The following VPS13C variants were observed in gnomAD, a reference collection of about 807,000 sequenced individuals.
The protein encoded by VPS13C is intermembrane lipid transfer protein VPS13C.
In VPS13C, 358 loss-of-function variants were observed where a neutral mutation model predicts 456.8. The ratio of observed to expected loss-of-function variants is 0.78; its 90% CI spans 0.72 to 0.86. VPS13C has a LOEUF of 0.86. Among genes scored for constraint, VPS13C ranks in the 40% least tolerant of loss-of-function variants. The pLI is 0.00. For synonymous variants in VPS13C, 1,578 were observed against 1,486.7 expected (o/e 1.06, Z -1.41); for missense variants, 4,818 against 4,385.4 (o/e 1.10, Z -2.79).
At chr15:62,026,223 T>A (rs544152162) in intron 6 of VPS13C, among the ~76,000 whole-genome samples, 1 of 151,628 alleles carries the variant, frequency 6.6e-6, no homozygotes, top group Non-Finnish European at 1.5e-5. Flanking sequence ...TGAAACCCTA[T>A]CAATGAATTT....
At chr15:61,908,945 A>T in intron 65 of VPS13C, 47 bp downstream of exon 65, 1 of 1,591,714 alleles carries the variant, frequency 6.3e-7, no homozygotes, top group Non-Finnish European at 8.6e-7. Context: ...CCCATTAGTT[A>T]CTATGAACCA....
At chr15:61,885,325 C>G (rs976491063) in intron 67 of VPS13C, among the ~76,000 whole-genome samples, 3 of 152,104 alleles carry the variant, frequency 2.0e-5, no homozygotes, top group African/African-American at 7.2e-5. Flanking sequence ...AAACTAATTT[C>G]CAAAGCCACT....
chr15:61,974,359 T>C lies in VPS13C; in HGVS notation c.2467A>G (p.Lys823Glu), dbSNP rs2045642879. 6.2e-7 allele frequency: 1 copy of C among 1,612,676 alleles called. No individual in the cohort carries two copies. Among genetic ancestry groups the C allele is most frequent in the African/African-American group, 1.3e-5 (1 of 74,878 alleles). ...CTGTTCATCAAATATAGCACATCTT[T>C]CATCTTCTGGTCAGAAATTCTCACA... ...MHVRISDQKM[K>E]DVLYLMNSIP... is the part of the protein sequence containing the mutation. The change falls in exon 25 of 85, where the codon AAA (lysine) becomes GAA (glutamate). Residue 823 changes from lysine to glutamate, a missense_variant. Around this residue, in one of 3 missense-constraint regions of VPS13C, gnomAD observed 4,552 missense variants for 4,130.6 expected, o/e 1.10. Transcript: ENST00000644861.
At chr15:62,032,152 G>A (rs995660700) in intron 5 of VPS13C, among the ~76,000 whole-genome samples, 2 of 151,620 alleles carry the variant, frequency 1.3e-5, no homozygotes, top group African/African-American at 2.4e-5. Flanking sequence ...ATCCTAATCT[G>A]AATAGTTTCA....
At chr15:61,904,293 T>G (rs2043090931) in intron 66 of VPS13C, among the ~76,000 whole-genome samples, 1 of 121,192 alleles carries the variant, frequency 8.3e-6, no homozygotes, top group Admixed American at 9.6e-5. Context: ...TGGTGGAGTG[T>G]TTTGAATTCC....
intron 15 of VPS13C, among the ~76,000 whole-genome samples, chr15:62,006,504 T>C (rs556735657): frequency 2.0e-4 from 31 of 152,310 alleles, no homozygotes; most frequent in African/African-American, 6.5e-4. Flanking sequence ...CAGTCTATCG[T>C]TGTTGGACAT....
rs1596531306 is a variant in VPS13C at position 62,046,896 on chromosome 15, G to T, written c.101-2641C>A. Among the ~76,000 whole-genome samples, 3 of 152,098 alleles carry T rather than the reference G, an allele frequency of 2.0e-5. No individual in the cohort carries two copies. In the South Asian group the frequency reaches 6.2e-4, roughly 32 times the overall value. ...ACAGACTGTCAGACAAAAAGAGATT[G>T]TACTTATTATTGCTGGGTGGTAGAA... On this transcript the variant is annotated intron_variant, in intron 1 of 84. Transcript: ENST00000644861.
Position 61,984,005 on chromosome 15 carries a change from C to A in VPS13C, c.1729G>T (p.Ala577Ser). The A allele has an allele frequency of 6.2e-7, 1 of 1,612,746 alleles. No homozygotes were observed. Residue 577 changes from alanine to serine, a missense_variant, in exon 20 of 85, where the codon GCG becomes TCG. Physicochemically the swap from Ala to Ser is moderately conservative, Grantham distance 99 (BLOSUM62 1). This residue lies in a region of VPS13C where 4,552 missense variants were observed against 4,130.6 expected (regional missense o/e 1.10). Coordinates refer to ENST00000644861, the MANE Select transcript of VPS13C (RefSeq NM_020821.3). ...RPGAQALKVE[A>S]KLEHWYITGL... ...GTTATATACCAGTGTTCTAATTTCG[C>A]TTCTACCCTATAATCCAATGAAGAA...
chr15:61,892,795 G>T (rs1218423445), intron 66 of VPS13C, among the ~76,000 whole-genome samples: 1 of 152,082 alleles, frequency 6.6e-6, no homozygotes, highest in Non-Finnish European at 1.5e-5. Flanking sequence ...GAAACAGACT[G>T]AAATAATAAA....
intron 66 of VPS13C, 66 bp from the exon 67 acceptor site, chr15:61,890,466 T>A: frequency 7.3e-7 from 1 of 1,374,144 alleles, no homozygotes; most frequent in Non-Finnish European, 1.0e-6. Context: ...AATTGAACTA[T>A]AATAACAGAA....
rs1343292465 is a variant in VPS13C at position 61,867,166 on chromosome 15, T to C, written c.10863+1493A>G. 1.0e-6 allele frequency: 1 copy of C among 983,966 alleles called. No homozygotes were observed. Among genetic ancestry groups the C allele is most frequent in the East Asian group, 1.1e-4 (1 of 8,826 alleles). 61.0% of individuals were successfully genotyped at this position (983,966 alleles called of 1,614,324 possible). A position where few individuals can be genotyped will look rare whatever the true frequency, so the allele number is the denominator to read the frequency against. ...AGTGCCACACAGCAATTTGCCTAAT[T>C]ACATGTTCAACTTCTATCTACATTA... On this transcript the variant is annotated intron_variant, in intron 81 of 84. Coordinates refer to ENST00000644861, the MANE Select transcript of VPS13C (RefSeq NM_020821.3). This position sits in a 1 kb window ranked among gnomAD's most constrained non-coding sequence, Gnocchi z 5.0.
At chr15:61,891,290 T>G (rs1014872775) in intron 66 of VPS13C, among the ~76,000 whole-genome samples, 1 of 152,112 alleles carries the variant, frequency 6.6e-6, no homozygotes, top group Admixed American at 6.5e-5. Context: ...GTACCTACTA[T>G]GTACTTTCCA....
intron 41 of VPS13C, 46 bp downstream of exon 41, chr15:61,950,312 T>A (rs2044742888): frequency 7.1e-7 from 1 of 1,408,572 alleles, no homozygotes; most frequent in African/African-American, 1.4e-5. Context: ...TGAAGCTAGA[T>A]ATAATCAACA....
intron 1 of VPS13C, among the ~76,000 whole-genome samples, chr15:62,048,514 T>A (rs986476724): frequency 6.6e-6 from 1 of 152,214 alleles, no homozygotes; most frequent in Admixed American, 6.5e-5. Context: ...TGTTGGACAC[T>A]TGGGTTGGTT....
intron 22 of VPS13C, among the ~76,000 whole-genome samples, chr15:61,979,065 C>T (rs1485128137): frequency 6.6e-6 from 1 of 152,042 alleles, no homozygotes. Flanking sequence ...CACTTAGAGT[C>T]CAGCTCCCCT....
chr15:62,017,558 C>T (rs1181083301), intron 9 of VPS13C, among the ~76,000 whole-genome samples: 2 of 152,232 alleles, frequency 1.3e-5, no homozygotes, highest in African/African-American at 2.4e-5. Context: ...TTCCCCATTG[C>T]TTGTTTTCGT....
At position 61,988,604 on chromosome 15, in the gene VPS13C, A is replaced by C. The variant is rs148666035; in HGVS notation, c.1578+2396T>G. On this transcript the variant is annotated intron_variant, in intron 18 of 84. Transcript: ENST00000644861. ...AACTGAACAGCTGATTCTAAAATTT[A>C]TGTGGAAATTTTAAGGACCAAGAAT... Among the ~76,000 whole-genome samples the C allele has an allele frequency of 2.4e-3, 368 of 152,334 alleles. 1 individual carries two copies. The highest frequency in any genetic ancestry group is 8.4e-3 in the African/African-American group (350 of 41,586).
chr15:62,003,461 G>T, intron 15 of VPS13C, among the ~76,000 whole-genome samples: 1 of 152,090 alleles, frequency 6.6e-6, no homozygotes, highest in Non-Finnish European at 1.5e-5. Context: ...CATGTCGTCT[G>T]CAAACAGGGA....
At chr15:61,932,184 A>C (rs544206229) in intron 49 of VPS13C, among the ~76,000 whole-genome samples, 1 of 152,318 alleles carries the variant, frequency 6.6e-6, no homozygotes, top group African/African-American at 2.4e-5. Flanking sequence ...GGTTGAAGAG[A>C]TCATTATGGC....
Sources: allele counts gnomAD v4.1 joint callset (sites outside exome capture counted in the v4.1 genomes callset), GRCh38; gene constraint gnomAD v4.1.1; regional missense constraint gnomAD v4.1.1; non-coding constraint Gnocchi (gnomAD v3.1); transcripts MANE v1.5; gene names NCBI Gene and HGNC (gene_info 2026-07-23, HGNC 2026-07-21).